The following NSMCE1 variants were observed in gnomAD, a reference collection of about 807,000 sequenced individuals.
NSMCE1 encodes NSE1 component of SMC5/6 complex.
A neutral mutation model predicts 29.6 loss-of-function variants in NSMCE1; 18 were observed. The ratio of observed to expected loss-of-function variants is 0.61; its 90% confidence interval spans 0.42 to 0.90. The LOEUF (loss-of-function observed/expected upper bound fraction) is 0.90. Among genes scored for constraint, NSMCE1 ranks in the 40% least tolerant of loss-of-function variants. The pLI, the probability that NSMCE1 is intolerant of heterozygous loss-of-function variation, is 0.00. For missense variants in NSMCE1, 314 were observed against 343.6 expected, an observed-to-expected ratio of 0.91 and a Z score of 0.68; for synonymous variants, 124 against 133.4, an observed-to-expected ratio of 0.93 and a Z score of 0.49.
At chr16:27,259,939 G>A (rs2084136727) in intron 1 of NSMCE1, among the ~76,000 whole-genome samples, 1 of 152,098 alleles carries the variant, frequency 6.6e-6, no homozygotes, top group Admixed American at 6.6e-5. Context: ...GAAGACTGAG[G>A]ATAAGACAAA....
At chr16:27,251,189 T>TATATATATATAAAA (rs1459861130) in intron 2 of NSMCE1, among the ~76,000 whole-genome samples, 1 of 58,834 alleles carries the variant, frequency 1.7e-5, no homozygotes, top group African/African-American at 1.0e-4. Flanking sequence ...TATATATATA[T>TATATATATATAAAA]AAATATATAT....
intron 5 of NSMCE1, among the ~76,000 whole-genome samples, chr16:27,229,195 G>GCC (rs1567272106): frequency 6.6e-6 from 1 of 152,208 alleles, no homozygotes; most frequent in Non-Finnish European, 1.5e-5. Context: ...GCCACTGCCG[G>GCC]GCTGATGATC....
chr16:27,267,791 C>G (rs897892436), intron 1 of NSMCE1, among the ~76,000 whole-genome samples: 1 of 151,090 alleles, frequency 6.6e-6, no homozygotes, highest in African/African-American at 2.4e-5. Context: ...TGAAGTGGCA[C>G]GATCTTGATT....
chr16:27,257,432 C>T lies in NSMCE1; in HGVS notation c.136+3G>A, dbSNP rs2084099412. On this transcript the variant is annotated splice_donor_region_variant and intron_variant, in intron 2 of 7. Transcript: ENST00000361439. The stretch of plus-strand genomic sequence containing the variant: ...GCCCTGGGAACAGGGAAACGGTACT[C>T]ACGGTCATGGACCTTGTAGCAGTGC... 2.5e-6 allele frequency: 4 copies of T among 1,606,460 alleles called. No homozygotes were observed. In the African/African-American group the frequency reaches 5.4e-5, roughly 22 times the overall value.
Position 27,234,865 on chromosome 16 carries a change from G to GA in NSMCE1, c.258+312dup, listed in dbSNP as rs1048729921. On this transcript the variant is annotated intron_variant, in intron 3 of 7. Coordinates refer to ENST00000361439, the MANE Select transcript of NSMCE1 (RefSeq NM_145080.4). ...GGCATCCTGAACACATCACGTGGGT[G>GA]AACGGGGAGTCGGCGGCAGGAGGGA... Among the ~76,000 whole-genome samples the GA allele has an allele frequency of 1.3e-4, 20 of 152,236 alleles. No homozygotes were observed. In the East Asian group the frequency reaches 1.7e-3, roughly 13 times the overall value.
chr16:27,251,182 ATATATATAAATATATATATATATAT>A (rs2084027947), intron 2 of NSMCE1, among the ~76,000 whole-genome samples: 6 of 64,914 alleles, frequency 9.2e-5, no homozygotes, highest in South Asian at 5.6e-4. Context: ...ATATATATAT[ATATATATAAATATATATATATATAT>A]AAAACTCTGT....
intron 2 of NSMCE1, among the ~76,000 whole-genome samples, chr16:27,256,572 C>T (rs1386269291): frequency 6.6e-6 from 1 of 152,184 alleles, no homozygotes; most frequent in African/African-American, 2.4e-5. Context: ...TTTGTCACTG[C>T]ATAAAATCTA....
chr16:27,267,769 C>A (rs778193800), intron 1 of NSMCE1, among the ~76,000 whole-genome samples: 1 of 150,936 alleles, frequency 6.6e-6, no homozygotes, highest in Non-Finnish European at 1.5e-5. Flanking sequence ...GCTCTTGTTG[C>A]CCAAGCTGGA....
chr16:27,234,093 G>T, intron 4 of NSMCE1, 95 bp downstream of exon 4: 2 of 808,688 alleles, frequency 2.5e-6, no homozygotes, highest in South Asian at 1.4e-5. Context: ...TCCCCCCAGT[G>T]ATCCTTGAAC....
At chr16:27,229,908 G>A (rs2083744864) in intron 5 of NSMCE1, among the ~76,000 whole-genome samples, 1 of 152,152 alleles carries the variant, frequency 6.6e-6, no homozygotes, top group Non-Finnish European at 1.5e-5. Flanking sequence ...CCTGCTATGT[G>A]CCTGAAACTG....
At chr16:27,237,224 T>C (rs554608767) in intron 2 of NSMCE1, among the ~76,000 whole-genome samples, 5 of 152,340 alleles carry the variant, frequency 3.3e-5, no homozygotes, top group Admixed American at 6.5e-5. Context: ...TCGTAACATA[T>C]GACAATGACA....
At chr16:27,252,171 T>C (rs1390589693) in intron 2 of NSMCE1, among the ~76,000 whole-genome samples, 1 of 152,184 alleles carries the variant, frequency 6.6e-6, no homozygotes, top group Non-Finnish European at 1.5e-5. Flanking sequence ...GAAGCATCTT[T>C]TGCTCTAATG....
intron 2 of NSMCE1, among the ~76,000 whole-genome samples, chr16:27,253,157 T>C (rs2084052708): frequency 6.6e-6 from 1 of 152,100 alleles, no homozygotes; most frequent in African/African-American, 2.4e-5. Context: ...TTTTCCTGAG[T>C]TCTATGAATC....
intron 1 of NSMCE1, among the ~76,000 whole-genome samples, chr16:27,261,180 A>AG (rs1404627036): frequency 6.6e-6 from 1 of 150,764 alleles, no homozygotes; most frequent in Non-Finnish European, 1.5e-5. Context: ...AAAAAAAAAA[A>AG]AAAGAAACTA....
intron 1 of NSMCE1, among the ~76,000 whole-genome samples, chr16:27,264,876 C>A (rs1200631548): frequency 1.3e-5 from 2 of 151,966 alleles, no homozygotes; most frequent in African/African-American, 4.8e-5. Flanking sequence ...ACATAAGCTA[C>A]AAAATACAAA....
At chr16:27,227,672 G>A (rs2083713203) in intron 5 of NSMCE1, among the ~76,000 whole-genome samples, 1 of 152,208 alleles carries the variant, frequency 6.6e-6, no homozygotes, top group African/African-American at 2.4e-5. Flanking sequence ...CACACCAGGA[G>A]ATGACGTCAC....
intron 1 of NSMCE1, chr16:27,258,078 T>G (rs982976722): frequency 6.6e-6 from 1 of 152,282 alleles, no homozygotes; most frequent in Non-Finnish European, 1.5e-5. Flanking sequence ...GGCCCCGTTT[T>G]CTCACCATAA....
chr16:27,258,328 G>A (rs1567284172), intron 1 of NSMCE1, among the ~76,000 whole-genome samples: 1 of 152,276 alleles, frequency 6.6e-6, no homozygotes. Context: ...ACGCAGTGCA[G>A]GGGCTAAGAA....
rs1163239789 is a variant in NSMCE1 at position 27,232,137 on chromosome 16, T to C, written c.483+864A>G. Among the ~76,000 whole-genome samples, 4 of 152,222 alleles carry C rather than the reference T, an allele frequency of 2.6e-5. No individual in the cohort carries two copies. Among genetic ancestry groups the C allele is most frequent in the East Asian group, 1.9e-4 (1 of 5,174 alleles). On this transcript the variant is annotated intron_variant, in intron 5 of 7. Transcript: ENST00000361439. This position sits in a 1 kb window ranked among gnomAD's most constrained non-coding sequence, Gnocchi z 4.5. The stretch of plus-strand genomic sequence containing the variant: ...TCCTGAAAAGGAAGCGGAGAATCGC[T>C]GCAGCCACAAGCAGCAGCCTCTGGC...
Sources: allele counts gnomAD v4.1 joint callset (sites outside exome capture counted in the v4.1 genomes callset), GRCh38; gene constraint gnomAD v4.1.1; non-coding constraint Gnocchi (gnomAD v3.1); transcripts MANE v1.5; gene names NCBI Gene and HGNC (gene_info 2026-07-23, HGNC 2026-07-21).